Variants in FYN observed in about 807,000 individuals in gnomAD.
FYN encodes FYN proto-oncogene, Src family tyrosine kinase.
FYN carries 10 observed loss-of-function variants against 70.2 expected under a neutral mutation model. The ratio of observed to expected loss-of-function variants is 0.14; its 90% CI spans 0.09 to 0.24. The LOEUF (loss-of-function observed/expected upper bound fraction) is 0.24. Among genes scored for constraint, FYN ranks in the 10% least tolerant of loss-of-function variants. The pLI, the probability that FYN is intolerant of heterozygous loss-of-function variation, is 1.00. For synonymous variants in FYN, 236 were observed against 248.6 expected (o/e 0.95, Z 0.48); for missense variants, 319 against 673.1 (o/e 0.47, Z 5.82).
chr6:111,701,292 T>C (rs1486962158), intron 8 of FYN, among the ~76,000 whole-genome samples: 2 of 152,070 alleles, frequency 1.3e-5, no homozygotes, highest in Non-Finnish European at 2.9e-5. Context: ...GAATAAGAAA[T>C]CAGGGAGTGA....
intron 8 of FYN, among the ~76,000 whole-genome samples, chr6:111,702,007 T>C (rs894625441): frequency 6.6e-6 from 1 of 152,204 alleles, no homozygotes; most frequent in African/African-American, 2.4e-5. Context: ...AGGTAAATCA[T>C]ATACTATTTT....
intron 1 of FYN, among the ~76,000 whole-genome samples, chr6:111,860,045 G>A (rs116615397): frequency 0.051 from 7,684 of 152,118 alleles, 247 homozygotes; most frequent in South Asian, 0.12. Flanking sequence ...AAGGTTTGCC[G>A]GCAGCCACAG....
chr6:111,808,304 G>A (rs1772215882), intron 2 of FYN, among the ~76,000 whole-genome samples: 1 of 152,098 alleles, frequency 6.6e-6, no homozygotes, highest in African/African-American at 2.4e-5. Flanking sequence ...AAGTGAGCAG[G>A]GCACAAGGCC....
chr6:111,673,382 T>C (rs1227094110), intron 13 of FYN, among the ~76,000 whole-genome samples: 2 of 152,150 alleles, frequency 1.3e-5, no homozygotes, highest in African/African-American at 4.8e-5. Flanking sequence ...CAATTTTGCC[T>C]CCATGTCAAC....
intron 13 of FYN, among the ~76,000 whole-genome samples, chr6:111,673,324 C>T (rs566582738): frequency 3.9e-5 from 6 of 152,182 alleles, no homozygotes; most frequent in Admixed American, 3.9e-4. Context: ...GACTTACACC[C>T]GCATCTCTAA....
At chr6:111,788,209 C>A (rs1417765440) in intron 2 of FYN, among the ~76,000 whole-genome samples, 1 of 152,196 alleles carries the variant, frequency 6.6e-6, no homozygotes, top group Non-Finnish European at 1.5e-5. Flanking sequence ...ACGCTATCTG[C>A]TGCAAGGAAA....
intron 3 of FYN, among the ~76,000 whole-genome samples, chr6:111,749,955 A>G (rs2128485913): frequency 6.6e-6 from 1 of 152,216 alleles, no homozygotes; most frequent in East Asian, 1.9e-4. Flanking sequence ...AAAATCCCAT[A>G]ATTTGCATCC....
In FYN at chr6:111,807,609, C is replaced by T. The variant is rs370568092; in HGVS notation, c.-81-26974G>A. On this transcript the variant is annotated intron_variant, in intron 2 of 13. Transcript: ENST00000354650. Reference sequence around the variant, plus strand: ...CTAGTCACCTGTTCAGAGGGCTGCCCAGGCTTGGGTGCTATGTTATCAGGT... The same window carrying T: ...CTAGTCACCTGTTCAGAGGGCTGCCTAGGCTTGGGTGCTATGTTATCAGGT... Among the ~76,000 whole-genome samples the T allele has an allele frequency of 3.2e-4, 48 of 152,242 alleles. 1 individual carries two copies. The highest frequency in any genetic ancestry group is 1.2e-3 in the African/African-American group (48 of 41,530).
chr6:111,681,576 GCTCT>G (rs759012824), intron 12 of FYN, among the ~76,000 whole-genome samples: 4 of 152,112 alleles, frequency 2.6e-5, no homozygotes, highest in South Asian at 4.2e-4. Context: ...CTTTGGAAAT[GCTCT>G]CTTTCTCTTC....
chr6:111,672,181 T>A (rs1422750468), intron 13 of FYN, among the ~76,000 whole-genome samples: 1 of 152,184 alleles, frequency 6.6e-6, no homozygotes, highest in Non-Finnish European at 1.5e-5. Flanking sequence ...GGAACTGTCC[T>A]CCCAGGCCTA....
At chr6:111,777,138 A>G (rs1583434251) in intron 3 of FYN, among the ~76,000 whole-genome samples, 2 of 152,322 alleles carry the variant, frequency 1.3e-5, no homozygotes, top group African/African-American at 4.8e-5. Flanking sequence ...TGCTGGGATC[A>G]TGTTGTGTGA....
chr6:111,757,312 A>G (rs1355964924), intron 3 of FYN, among the ~76,000 whole-genome samples: 2 of 152,238 alleles, frequency 1.3e-5, no homozygotes, highest in Non-Finnish European at 2.9e-5. Flanking sequence ...TAATAAAAAA[A>G]TTTAAGACAA....
intron 5 of FYN, among the ~76,000 whole-genome samples, chr6:111,710,646 C>T (rs1197172724): frequency 6.6e-6 from 1 of 152,078 alleles, no homozygotes; most frequent in Non-Finnish European, 1.5e-5. Context: ...TGTAGTAAAC[C>T]TCACATGTTG....
intron 2 of FYN, among the ~76,000 whole-genome samples, chr6:111,827,477 A>G (rs1280772496): frequency 6.6e-6 from 1 of 152,170 alleles, no homozygotes; most frequent in East Asian, 1.9e-4. Context: ...GCCAGTGTGT[A>G]GAGGAACAAC....
At chr6:111,863,913 T>C (rs951800381) in intron 1 of FYN, among the ~76,000 whole-genome samples, 1 of 152,168 alleles carries the variant, frequency 6.6e-6, no homozygotes, top group Non-Finnish European at 1.5e-5. Flanking sequence ...GGACTCCCTA[T>C]GTTTGCTTCC....
intron 4 of FYN, among the ~76,000 whole-genome samples, chr6:111,717,522 C>T (rs1562488352): frequency 1.3e-5 from 2 of 151,864 alleles, no homozygotes. Flanking sequence ...AGTGCAATGG[C>T]GTGATCTCGG....
chr6:111,863,253 A>G (rs1583502320), intron 1 of FYN, among the ~76,000 whole-genome samples: 1 of 152,238 alleles, frequency 6.6e-6, no homozygotes, highest in East Asian at 1.9e-4. Context: ...TAGAGAAACC[A>G]TTAACAGAAA....
At chr6:111,840,316 T>C (rs1773318849) in intron 2 of FYN, among the ~76,000 whole-genome samples, 1 of 152,114 alleles carries the variant, frequency 6.6e-6, no homozygotes, top group Non-Finnish European at 1.5e-5. Context: ...CTAAAAGCCA[T>C]CCCAGGTATC....
At chr6:111,757,797 ACTT>A (rs1158057772) in intron 3 of FYN, among the ~76,000 whole-genome samples, 1 of 152,122 alleles carries the variant, frequency 6.6e-6, no homozygotes, top group Non-Finnish European at 1.5e-5. Context: ...AATTCTAAGA[ACTT>A]CTTGATCCAA....
Sources: gnomAD v4.1 joint callset for allele counts (sites outside exome capture counted in the v4.1 genomes callset) on GRCh38, gnomAD v4.1.1 for gene constraint, MANE v1.5 for transcripts, NCBI Gene and HGNC (gene_info 2026-07-23, HGNC 2026-07-21) for gene names.